RBFOX1: variants seen among roughly 807,000 people sequenced by gnomAD.
RBFOX1 encodes the protein RNA binding protein fox-1 homolog 1.
A neutral mutation model predicts 57.7 loss-of-function variants in RBFOX1; 8 were observed. The observed-to-expected ratio is 0.14, with a 90% CI of 0.08 to 0.25. The LOEUF (loss-of-function observed/expected upper bound fraction) is 0.25. Ranked by LOEUF, RBFOX1 falls within the 10% of genes least tolerant of loss-of-function variation. The pLI, the probability that RBFOX1 is intolerant of heterozygous loss-of-function variation, is 1.00. For missense variants in RBFOX1, 611 were observed against 548.5 expected (o/e 1.11, Z -1.14); for synonymous variants, 326 against 222.4 (o/e 1.47, Z -4.15).
At chr16:6,490,678 C>T (rs938364100) in intron 2 of RBFOX1, among the ~76,000 whole-genome samples, 1 of 152,152 alleles carries the variant, frequency 6.6e-6, no homozygotes, top group African/African-American at 2.4e-5. Context: ...CCATGAACAG[C>T]TCGTATCTGG....
chr16:7,357,176 T>C (rs1228158318), intron 4 of RBFOX1, among the ~76,000 whole-genome samples: 1 of 151,790 alleles, frequency 6.6e-6, no homozygotes, highest in East Asian at 1.9e-4. Context: ...GGATTTTGAA[T>C]TCTGCAAGCA....
intron 2 of RBFOX1, among the ~76,000 whole-genome samples, chr16:6,427,682 T>G (rs1312197647): frequency 6.6e-6 from 1 of 152,216 alleles, no homozygotes; most frequent in East Asian, 1.9e-4. Context: ...TATAATGTAT[T>G]ACTAGTATGA....
intron 4 of RBFOX1, among the ~76,000 whole-genome samples, chr16:7,156,715 T>A (rs1383320312): frequency 6.6e-6 from 1 of 152,196 alleles, no homozygotes; most frequent in Non-Finnish European, 1.5e-5. Context: ...AGACATTTAA[T>A]GGATTCCTTA....
At position 6,637,610 on chromosome 16, in the gene RBFOX1, C is replaced by T. The variant is rs1306729208; in HGVS notation, c.-63-16993C>T. Reference sequence around the variant, plus strand: ...TAGTCTATATATATATTAGAATGTGCATTTAACTTGAAAAGGTTGAAACTC... The same window carrying T: ...TAGTCTATATATATATTAGAATGTGTATTTAACTTGAAAAGGTTGAAACTC... On this transcript the variant is annotated intron_variant, in intron 2 of 15. Coordinates refer to ENST00000550418, the MANE Select transcript of RBFOX1 (RefSeq NM_018723.4). Among the ~76,000 whole-genome samples, 9 of 45,908 alleles carry T rather than the reference C, an allele frequency of 2.0e-4. No homozygotes were observed. In the South Asian group the frequency reaches 5.3e-3, roughly 27 times the overall value. The allele number at this position is 45,908 out of a possible 152,430, so 30.1% of individuals were successfully genotyped here. A position where few individuals can be genotyped will look rare whatever the true frequency, so the allele number is the denominator to read the frequency against.
At chr16:7,274,531 C>T (rs951706907) in intron 4 of RBFOX1, among the ~76,000 whole-genome samples, 6 of 152,116 alleles carry the variant, frequency 3.9e-5, no homozygotes, top group African/African-American at 4.8e-5. Flanking sequence ...GACTTCTCTG[C>T]TCTGTACTTG....
At chr16:7,163,108 A>G (rs906004742) in intron 4 of RBFOX1, among the ~76,000 whole-genome samples, 3 of 152,160 alleles carry the variant, frequency 2.0e-5, no homozygotes, top group Admixed American at 6.5e-5. Context: ...ATAATTCCTA[A>G]GTTACTGAAT....
chr16:7,637,272 A>C (rs77137014), intron 11 of RBFOX1, among the ~76,000 whole-genome samples: 2 of 38,336 alleles, frequency 5.2e-5, no homozygotes, highest in African/African-American at 3.1e-4. Flanking sequence ...TTCCCTCCTC[A>C]AAAAAAAAAA....
At chr16:5,351,476 A>G (rs902727662) in intron 1 of RBFOX1, among the ~76,000 whole-genome samples, 1 of 152,192 alleles carries the variant, frequency 6.6e-6, no homozygotes, top group Non-Finnish European at 1.5e-5. Flanking sequence ...TAACCATATC[A>G]TTGAACTGAT....
intron 4 of RBFOX1, among the ~76,000 whole-genome samples, chr16:7,100,055 A>T (rs191769758): frequency 4.0e-5 from 6 of 151,102 alleles, no homozygotes; most frequent in Admixed American, 3.3e-4. Context: ...CTTTCACATG[A>T]TGGGGGGTGA....
chr16:5,478,133 C>T (rs2069396228), intron 2 of RBFOX1, among the ~76,000 whole-genome samples: 2 of 152,174 alleles, frequency 1.3e-5, no homozygotes, highest in Admixed American at 1.3e-4. Context: ...CCTGATTCCG[C>T]AGCCAAATGT....
chr16:5,268,896 C>G lies in RBFOX1; in HGVS notation c.219+28791C>G, dbSNP rs148680497. Reference sequence around the variant, plus strand: ...AGGTTCTAGTTTCTCTGCATCCTAACCAACACTTGTTATTTTCTCTATTTT... The same window carrying G: ...AGGTTCTAGTTTCTCTGCATCCTAAGCAACACTTGTTATTTTCTCTATTTT... On this transcript the variant is annotated intron_variant, in intron 1 of 2. Transcript: ENST00000585867. Among the ~76,000 whole-genome samples, 632 of 151,440 alleles carry G rather than the reference C, an allele frequency of 4.2e-3. 1 individual carries two copies. The highest frequency in any genetic ancestry group is 0.01 in the Middle Eastern group (3 of 292).
intron 2 of RBFOX1, 136 bp downstream of exon 2, chr16:6,317,193 G>A: frequency 1.3e-6 from 1 of 791,468 alleles, no homozygotes; most frequent in Middle Eastern, 2.3e-4. Flanking sequence ...TTTCTCTTCT[G>A]CCCTATTGTA....
chr16:7,470,067 T>C (rs529758947), intron 4 of RBFOX1, among the ~76,000 whole-genome samples: 1 of 152,228 alleles, frequency 6.6e-6, no homozygotes, highest in South Asian at 2.1e-4. Flanking sequence ...ATTGTGTGTA[T>C]ATAACACATG....
intron 3 of RBFOX1, among the ~76,000 whole-genome samples, chr16:7,024,129 C>T (rs111387932): frequency 1.3e-5 from 2 of 152,156 alleles, no homozygotes; most frequent in African/African-American, 4.8e-5. Context: ...TAATGACATG[C>T]TTTATGTTAT....
At chr16:5,649,923 A>T (rs1465696473) in intron 3 of RBFOX1, among the ~76,000 whole-genome samples, 1 of 152,210 alleles carries the variant, frequency 6.6e-6, no homozygotes, top group African/African-American at 2.4e-5. Flanking sequence ...CAGAGGAGGT[A>T]GCACTCGAGT....
intron 4 of RBFOX1, among the ~76,000 whole-genome samples, chr16:7,126,051 G>A (rs2068450406): frequency 6.6e-6 from 1 of 152,242 alleles, no homozygotes; most frequent in African/African-American, 2.4e-5. Flanking sequence ...CCATTGCACT[G>A]CAGCATGGGC....
chr16:6,953,075 G>A (rs2081085097), intron 3 of RBFOX1, among the ~76,000 whole-genome samples: 1 of 152,128 alleles, frequency 6.6e-6, no homozygotes, highest in Non-Finnish European at 1.5e-5. Flanking sequence ...GCGAAACCAA[G>A]CCACAAATAC....
intron 1 of RBFOX1, among the ~76,000 whole-genome samples, chr16:6,095,332 A>T (rs927581475): frequency 6.6e-6 from 1 of 152,230 alleles, no homozygotes; most frequent in Non-Finnish European, 1.5e-5. Context: ...GATATTTAGG[A>T]CATCTCCCTT....
chr16:5,515,482 C>T (rs1359564366), intron 2 of RBFOX1, among the ~76,000 whole-genome samples: 1 of 152,192 alleles, frequency 6.6e-6, no homozygotes, highest in Non-Finnish European at 1.5e-5. Context: ...ATCTCCTTGT[C>T]CAACAAAATG....
Sources: allele counts gnomAD v4.1 joint callset (sites outside exome capture counted in the v4.1 genomes callset), GRCh38; gene constraint gnomAD v4.1.1; transcripts MANE v1.5; gene names NCBI Gene and HGNC (gene_info 2026-07-23, HGNC 2026-07-21).